Variants in BLNK observed in about 807,000 individuals in gnomAD.
BLNK encodes B cell linker.
Under a neutral mutation model 73.5 loss-of-function variants are expected in BLNK, and 29 were observed. The observed-to-expected ratio is 0.39, with a 90% CI of 0.29 to 0.54. BLNK has a LOEUF of 0.54. Ranked by LOEUF, BLNK falls within the 20% of genes least tolerant of loss-of-function variation. The pLI, the probability that BLNK is intolerant of heterozygous loss-of-function variation, is 0.61. For missense variants in BLNK, 460 were observed against 562.8 expected (o/e 0.82, Z 1.85); for synonymous variants, 176 against 200.8 (o/e 0.88, Z 1.04).
intron 3 of BLNK, among the ~76,000 whole-genome samples, chr10:96,237,626 G>C (rs1311345410): frequency 6.6e-6 from 1 of 152,164 alleles, no homozygotes; most frequent in Non-Finnish European, 1.5e-5. Context: ...TCCATCCCCA[G>C]CCAGACCTCA....
intron 5 of BLNK, among the ~76,000 whole-genome samples, chr10:96,226,277 C>T (rs587723446): frequency 4.6e-5 from 7 of 152,332 alleles, no homozygotes; most frequent in Non-Finnish European, 8.8e-5. Context: ...ATGCTCAGTG[C>T]TTAGCATAGT....
At chr10:96,243,822 T>C (rs1251097114) in intron 2 of BLNK, among the ~76,000 whole-genome samples, 1 of 152,224 alleles carries the variant, frequency 6.6e-6, no homozygotes, top group African/African-American at 2.4e-5. Flanking sequence ...GTAAGGTTTA[T>C]AGTCAATTAT....
At chr10:96,238,692 G>A (rs587708343) in intron 3 of BLNK, among the ~76,000 whole-genome samples, 2 of 152,334 alleles carry the variant, frequency 1.3e-5, no homozygotes, top group East Asian at 3.9e-4. Context: ...CTAACTGCAG[G>A]TGGTGATGGT....
chr10:96,232,443 G>A lies in BLNK; in HGVS notation c.164-1609C>T, dbSNP rs188062431. Among the ~76,000 whole-genome samples, 35 of 152,224 alleles carry A rather than the reference G, an allele frequency of 2.3e-4. No homozygotes were observed. In the East Asian group the frequency reaches 3.3e-3, roughly 14 times the overall value. The stretch of plus-strand genomic sequence containing the variant: ...TCTACCCCTGCCACAGCAGACCACC[G>A]GACTCCAGAGAGTCAAACATTTGGG... On this transcript the variant is annotated intron_variant, in intron 3 of 16. Coordinates refer to ENST00000224337, the MANE Select transcript of BLNK (RefSeq NM_013314.4).
At chr10:96,230,771 T>A (rs1554903782) in intron 4 of BLNK, 23 bp downstream of exon 4, 2 of 1,604,262 alleles carry the variant, frequency 1.2e-6, no homozygotes. Context: ...GATGCCCTCC[T>A]GGTCCCAGGA....
chr10:96,244,933 G>A (rs1233329905), intron 2 of BLNK, among the ~76,000 whole-genome samples: 1 of 152,088 alleles, frequency 6.6e-6, no homozygotes, highest in African/African-American at 2.4e-5. Context: ...ATTTTATGCA[G>A]AGGCTTCATG....
intron 4 of BLNK, among the ~76,000 whole-genome samples, chr10:96,229,045 T>C (rs1337657969): frequency 6.6e-6 from 1 of 152,088 alleles, no homozygotes; most frequent in Non-Finnish European, 1.5e-5. Context: ...GTAAATGGGG[T>C]ATCCATCACT....
chr10:96,243,561 A>C (rs1554906803), intron 2 of BLNK, among the ~76,000 whole-genome samples: 1 of 152,196 alleles, frequency 6.6e-6, no homozygotes, highest in Non-Finnish European at 1.5e-5. Flanking sequence ...AAGGAAAAAA[A>C]GCCGAACAAG....
At position 96,209,925 on chromosome 10, in the gene BLNK, C is replaced by T. The variant is rs782048306; in HGVS notation, c.677-18G>A. ...GTTTCGACCTGCACAAACATATACACTACTCAGTCCCCAAGTCCTGAGCCG... is the reference window on the plus strand; with the variant it reads ...GTTTCGACCTGCACAAACATATACATTACTCAGTCCCCAAGTCCTGAGCCG... On this transcript the variant is annotated intron_variant, in intron 8 of 16. Transcript: ENST00000224337. 1.2e-6 allele frequency: 2 copies of T among 1,614,142 alleles called. No individual in the cohort carries two copies. The highest frequency in any genetic ancestry group is 1.7e-6 in the Non-Finnish European group (2 of 1,179,950).
intron 15 of BLNK, among the ~76,000 whole-genome samples, chr10:96,197,622 T>C (rs1554895007): frequency 6.6e-6 from 1 of 152,160 alleles, no homozygotes; most frequent in Non-Finnish European, 1.5e-5. Context: ...TCAAACAAAT[T>C]CCATTCATAA....
chr10:96,247,123 C>G (rs528647077), intron 1 of BLNK, 74 bp from the exon 2 acceptor site: 11 of 1,045,622 alleles, frequency 1.1e-5, no homozygotes, highest in Non-Finnish European at 1.4e-5. Context: ...CTACTCTTCT[C>G]GAATACAAAA....
At chr10:96,222,268 A>G (rs1287853018) in intron 6 of BLNK, among the ~76,000 whole-genome samples, 3 of 152,222 alleles carry the variant, frequency 2.0e-5, no homozygotes, top group African/African-American at 7.2e-5. Flanking sequence ...TTTATTTAAA[A>G]GTCCATCTTT....
intron 6 of BLNK, among the ~76,000 whole-genome samples, chr10:96,218,358 A>AG (rs1427702977): frequency 6.6e-6 from 1 of 152,210 alleles, no homozygotes; most frequent in Non-Finnish European, 1.5e-5. Flanking sequence ...ACTGAGGCAC[A>AG]GAAAAATTAA....
Position 96,189,653 on chromosome 10 carries a change from T to C in BLNK, c.*2320A>G. The C allele has an allele frequency of 1.4e-6, 1 of 717,182 alleles. No homozygotes were observed. Among genetic ancestry groups the C allele is most frequent in the Admixed American group, 1.8e-5 (1 of 56,712 alleles). 44.4% of individuals were successfully genotyped at this position (717,182 alleles called of 1,614,324 possible). A position where few individuals can be genotyped will look rare whatever the true frequency, so the allele number is the denominator to read the frequency against. On this transcript the variant is annotated 3_prime_UTR_variant, in exon 17 of 17. Coordinates refer to ENST00000224337, the MANE Select transcript of BLNK (RefSeq NM_013314.4). ...TTTGTGCATTTTTGGCTGGAGTATG[T>C]AGATTTCTTCAATGGTGCTTTTTCT...
At chr10:96,214,707 G>T (rs2084024553) in intron 8 of BLNK, among the ~76,000 whole-genome samples, 1 of 152,124 alleles carries the variant, frequency 6.6e-6, no homozygotes, top group African/African-American at 2.4e-5. Context: ...ATGCCAGGGA[G>T]TTACCAGTGT....
intron 11 of BLNK, among the ~76,000 whole-genome samples, chr10:96,205,703 C>T (rs1413162800): frequency 6.6e-6 from 1 of 152,180 alleles, no homozygotes; most frequent in Non-Finnish European, 1.5e-5. Flanking sequence ...GCCACTCACT[C>T]ACTTTGCATT....
In BLNK at chr10:96,239,634, G is replaced by A. The variant is rs190982591; in HGVS notation, c.163+3101C>T. ...TAGCTGTAGCAATGGGAATAGAGAGGGAAAAAATATTTAAGAGGCATTTAA... is the reference window on the plus strand; with the variant it reads ...TAGCTGTAGCAATGGGAATAGAGAGAGAAAAAATATTTAAGAGGCATTTAA... On this transcript the variant is annotated intron_variant, in intron 3 of 16. Transcript: ENST00000224337. Among the ~76,000 whole-genome samples the A allele has an allele frequency of 4.4e-3, 666 of 152,176 alleles. 4 individuals carry two copies. Among genetic ancestry groups the A allele is most frequent in the African/African-American group, 0.015 (623 of 41,532 alleles).
rs587686247 is a variant in BLNK at position 96,189,671 on chromosome 10, C to T, written c.*2302G>A. 7.4e-5 allele frequency: 53 copies of T among 719,266 alleles called. No homozygotes were observed. In the East Asian group the frequency reaches 1.0e-3, roughly 14 times the overall value. The allele number at this position is 719,266 out of a possible 1,614,324, so 44.6% of individuals were successfully genotyped here. On this transcript the variant is annotated 3_prime_UTR_variant, in exon 17 of 17. Transcript: ENST00000224337. ...GAGTATGTAGATTTCTTCAATGGTG[C>T]TTTTTCTTCAGTTTCCTCATCATCA...
chr10:96,220,823 T>A (rs1399813614), intron 6 of BLNK, among the ~76,000 whole-genome samples: 3 of 152,192 alleles, frequency 2.0e-5, no homozygotes, highest in African/African-American at 7.2e-5. Context: ...ACTCCAATGT[T>A]TAGATGTTTC....
Sources: allele counts gnomAD v4.1 joint callset (sites outside exome capture counted in the v4.1 genomes callset), GRCh38; gene constraint gnomAD v4.1.1; transcripts MANE v1.5; gene names NCBI Gene and HGNC (gene_info 2026-07-23, HGNC 2026-07-21).